Variants in ZCCHC24 observed in about 807,000 individuals in gnomAD.
The protein encoded by ZCCHC24 is zinc finger CCHC domain-containing protein 24.
A neutral mutation model predicts 26.2 loss-of-function variants in ZCCHC24; 10 were observed. The ratio of observed to expected loss-of-function variants is 0.38; its 90% CI spans 0.24 to 0.65. ZCCHC24 has a LOEUF of 0.65. Among genes scored for constraint, ZCCHC24 ranks in the 30% least tolerant of loss-of-function variants. ZCCHC24 has a pLI of 0.54. For missense variants in ZCCHC24, 243 were observed against 329.1 expected (o/e 0.74, Z 2.03); for synonymous variants, 144 against 147.1 (o/e 0.98, Z 0.15).
intron 2 of ZCCHC24, among the ~76,000 whole-genome samples, chr10:79,394,845 C>T (rs1013000350): frequency 1.3e-5 from 2 of 152,182 alleles, no homozygotes; most frequent in Non-Finnish European, 2.9e-5. Flanking sequence ...AATACAAGCA[C>T]GGAAACTGGT....
At chr10:79,432,860 A>G in intron 1 of ZCCHC24, 102 bp from the exon 2 acceptor site, 1 of 1,304,162 alleles carries the variant, frequency 7.7e-7, no homozygotes, top group Non-Finnish European at 1.0e-6. Flanking sequence ...GTCTTCAGCT[A>G]CCCGAGGGCT....
intron 1 of ZCCHC24, among the ~76,000 whole-genome samples, chr10:79,444,474 C>G (rs966098525): frequency 6.6e-6 from 1 of 152,110 alleles, no homozygotes; most frequent in Non-Finnish European, 1.5e-5. Flanking sequence ...GAACCTCTCC[C>G]CCCCCCTTTC....
intron 2 of ZCCHC24, among the ~76,000 whole-genome samples, chr10:79,415,525 C>T (rs1165295572): frequency 6.6e-6 from 1 of 152,168 alleles, no homozygotes; most frequent in African/African-American, 2.4e-5. Flanking sequence ...GCGGTTTCAA[C>T]CTTTTGCCTT....
intron 2 of ZCCHC24, among the ~76,000 whole-genome samples, chr10:79,398,423 C>T (rs1856576624): frequency 6.6e-6 from 1 of 152,208 alleles, no homozygotes. Flanking sequence ...ACTGCAAGTG[C>T]TCGGTCACCA....
intron 2 of ZCCHC24, among the ~76,000 whole-genome samples, chr10:79,407,607 G>A (rs763094703): frequency 1.3e-5 from 2 of 152,170 alleles, no homozygotes; most frequent in African/African-American, 2.4e-5. Context: ...GGGAGCCACC[G>A]CCCCAGTGAT....
chr10:79,436,952 G>A lies in ZCCHC24; in HGVS notation c.247-4194C>T, dbSNP rs369057034. On this transcript the variant is annotated intron_variant, in intron 1 of 3. Transcript: ENST00000372336. ...GATGTGACCCTCACACCGCATCTGG[G>A]GGACCATGCATCACACTCCTGCCCA... Among the ~76,000 whole-genome samples the A allele has an allele frequency of 2.5e-4, 38 of 152,336 alleles. 1 individual carries two copies. The East Asian group carries it at 5.2e-3, about 21-fold the overall frequency.
intron 2 of ZCCHC24, among the ~76,000 whole-genome samples, chr10:79,405,576 A>T (rs1471277738): frequency 1.3e-5 from 2 of 152,240 alleles, no homozygotes; most frequent in East Asian, 3.8e-4. Flanking sequence ...CGCCATTTGC[A>T]CAGGGCAGCT....
At chr10:79,442,347 ATC>A (rs1857301022) in intron 1 of ZCCHC24, among the ~76,000 whole-genome samples, 1 of 152,090 alleles carries the variant, frequency 6.6e-6, no homozygotes, top group Non-Finnish European at 1.5e-5. Context: ...GAACTCTGCC[ATC>A]TCTCTCTCTG....
chr10:79,432,661 A>G lies in ZCCHC24; in HGVS notation c.344T>C (p.Leu115Pro), dbSNP rs757176852. 1.1e-5 allele frequency: 17 copies of G among 1,607,102 alleles called. No individual in the cohort carries two copies. In the Admixed American group the frequency reaches 1.5e-4, roughly 15 times the overall value. ...CTTGCGAGCCTCGGAGGTGAGGGTC[A>G]GGTCTGAGAAGTGCTCGGTGAGGGA... The part of the protein sequence containing the change: ...LSSLTEHFSD[L>P]TLTSEARKPS... The change falls in exon 2 of 4, where the codon CTG (leucine) becomes CCG (proline). Residue 115 changes from leucine to proline, a missense_variant. Physicochemically the swap from Leu to Pro is moderately conservative, Grantham distance 98. Around this residue, in one of 2 missense-constraint regions of ZCCHC24, gnomAD observed 96 missense variants for 178.3 expected, o/e 0.54. Transcript: ENST00000372336.
rs749393062 is a variant in ZCCHC24, at chr10:79,383,314, C to T, written c.*3031G>A. Reference sequence around the variant, plus strand: ...TTAAAGAATTGCAAAGATTTTTTTTCCTCATCAGAATTATGTACCAACTTC... The same window carrying T: ...TTAAAGAATTGCAAAGATTTTTTTTTCTCATCAGAATTATGTACCAACTTC... On this transcript the variant is annotated 3_prime_UTR_variant, in exon 4 of 4. Transcript: ENST00000372336. 1.6e-4 allele frequency: 24 copies of T among 152,736 alleles called. No homozygotes were observed. The highest frequency in any genetic ancestry group is 3.4e-3 in the Middle Eastern group (1 of 294). The allele number at this position is 152,736 out of a possible 1,614,324, so 9.5% of individuals were successfully genotyped here. A position where few individuals can be genotyped will look rare whatever the true frequency, so the allele number is the denominator to read the frequency against.
intron 2 of ZCCHC24, among the ~76,000 whole-genome samples, chr10:79,425,038 G>T (rs940924996): frequency 2.0e-5 from 3 of 152,180 alleles, no homozygotes; most frequent in African/African-American, 7.2e-5. Context: ...CTCAGGAATG[G>T]TTGGGTGATG....
chr10:79,421,937 AT>A (rs931496209), intron 2 of ZCCHC24, among the ~76,000 whole-genome samples: 1 of 152,006 alleles, frequency 6.6e-6, no homozygotes, highest in Non-Finnish European at 1.5e-5. Context: ...CCTTCTATAC[AT>A]TTTTTTATGA....
chr10:79,403,337 T>A (rs1301782509), intron 2 of ZCCHC24: 1 of 958,880 alleles, frequency 1.0e-6, no homozygotes. Context: ...GCAGCAAGTC[T>A]GCCAAGTGCT....
At chr10:79,438,295 C>T (rs951917732) in intron 1 of ZCCHC24, among the ~76,000 whole-genome samples, 2 of 152,216 alleles carry the variant, frequency 1.3e-5, no homozygotes, top group Admixed American at 6.5e-5. Context: ...AATGAATCCA[C>T]CCTGCTCCCA....
chr10:79,425,675 A>G (rs1220680436), intron 2 of ZCCHC24, among the ~76,000 whole-genome samples: 1 of 152,208 alleles, frequency 6.6e-6, no homozygotes, highest in Admixed American at 6.5e-5. Flanking sequence ...CTGGCAATTG[A>G]AGATCACTAT....
At chr10:79,393,120 T>C (rs1856501617) in intron 3 of ZCCHC24, among the ~76,000 whole-genome samples, 1 of 152,224 alleles carries the variant, frequency 6.6e-6, no homozygotes, top group South Asian at 2.1e-4. Flanking sequence ...ATCCCTTCTC[T>C]ACTCTGTCTA....
intron 2 of ZCCHC24, among the ~76,000 whole-genome samples, chr10:79,429,942 GAGCAC>G (rs1324161619): frequency 1.3e-5 from 2 of 152,146 alleles, no homozygotes; most frequent in African/African-American, 4.8e-5. Flanking sequence ...AGATGGTGAG[GAGCAC>G]AGAGATGAAT....
intron 1 of ZCCHC24, 50 bp downstream of exon 1, chr10:79,445,145 G>C: frequency 8.0e-7 from 1 of 1,255,088 alleles, no homozygotes; most frequent in South Asian, 2.7e-5. Context: ...CCGCCACGGT[G>C]GGGCGGTGGG....
At chr10:79,417,749 G>A (rs1258230019) in intron 2 of ZCCHC24, among the ~76,000 whole-genome samples, 1 of 152,208 alleles carries the variant, frequency 6.6e-6, no homozygotes, top group Non-Finnish European at 1.5e-5. Flanking sequence ...CAGGCATGAG[G>A]AAGGCCTGAT....
Sources: gnomAD v4.1 joint callset for allele counts (sites outside exome capture counted in the v4.1 genomes callset) on GRCh38, gnomAD v4.1.1 for gene constraint, gnomAD v4.1.1 regional missense constraint, MANE v1.5 for transcripts, NCBI Gene and HGNC (gene_info 2026-07-23, HGNC 2026-07-21) for gene names.